IGF1R: variants seen among roughly 807,000 people sequenced by gnomAD.
IGF1R encodes the protein insulin like growth factor 1 receptor, also known as insulin-like growth factor 1 receptor.
In IGF1R, 44 loss-of-function variants were observed where a neutral mutation model predicts 144.6. That is an observed-to-expected ratio of 0.30 (90% CI 0.24 to 0.39). The LOEUF (loss-of-function observed/expected upper bound fraction) is 0.39. Ranked by LOEUF, IGF1R falls within the 10% of genes least tolerant of loss-of-function variation. The probability of loss-of-function intolerance (pLI) is 1.00; values close to 1 mark genes in which losing one functional copy is unlikely to be tolerated. For synonymous variants in IGF1R, 795 were observed against 722.8 expected (o/e 1.10, Z -1.60); for missense variants, 1,355 against 1,833.7 (o/e 0.74, Z 4.77).
intron 2 of IGF1R, among the ~76,000 whole-genome samples, chr15:98,846,534 G>A (rs1398225051): frequency 6.6e-6 from 1 of 152,152 alleles, no homozygotes; most frequent in Non-Finnish European, 1.5e-5. Flanking sequence ...TGACAAGTTG[G>A]GTGACTTCGG....
intron 1 of IGF1R, among the ~76,000 whole-genome samples, chr15:98,663,235 A>C (rs1463221965): frequency 6.6e-6 from 1 of 152,074 alleles, no homozygotes; most frequent in African/African-American, 2.4e-5. Flanking sequence ...TCGAGAGAGC[A>C]GTCCCAGTTG....
intron 5 of IGF1R, among the ~76,000 whole-genome samples, chr15:98,901,690 A>T (rs2014490146): frequency 6.6e-6 from 1 of 152,244 alleles, no homozygotes; most frequent in Admixed American, 6.5e-5. Flanking sequence ...AAGGGAAAGA[A>T]AGAAATGTGC....
At chr15:98,937,939 T>G (rs944729269) in intron 17 of IGF1R, among the ~76,000 whole-genome samples, 3 of 152,264 alleles carry the variant, frequency 2.0e-5, no homozygotes, top group Non-Finnish European at 4.4e-5. Flanking sequence ...TTAATGTTGC[T>G]TCCCCAGATA....
At chr15:98,776,993 G>C (rs11635613) in intron 2 of IGF1R, among the ~76,000 whole-genome samples, 18,025 of 152,182 alleles carry the variant, frequency 0.12, 1,453 homozygotes, top group East Asian at 0.26. Context: ...TTGTGACCTT[G>C]TGTGGTTTCT....
At chr15:98,789,091 T>C (rs2056071695) in intron 2 of IGF1R, among the ~76,000 whole-genome samples, 1 of 152,230 alleles carries the variant, frequency 6.6e-6, no homozygotes, top group Non-Finnish European at 1.5e-5. Flanking sequence ...CCAGCTCACT[T>C]TCCTGTTCAT....
intron 11 of IGF1R, 76 bp downstream of exon 11, chr15:98,922,507 G>A: frequency 6.5e-7 from 1 of 1,536,692 alleles, no homozygotes; most frequent in Non-Finnish European, 8.9e-7. Flanking sequence ...ATGGACACAG[G>A]GTCTGACACC....
chr15:98,716,205 C>T (rs775405818), intron 2 of IGF1R, among the ~76,000 whole-genome samples: 4 of 152,122 alleles, frequency 2.6e-5, no homozygotes, highest in South Asian at 2.1e-4. Context: ...CTACCTGTGC[C>T]GTTTCCTCAA....
chr15:98,692,909 G>A lies in IGF1R; in HGVS notation c.95-14653G>A, dbSNP rs542610864. Among the ~76,000 whole-genome samples, 128 of 152,250 alleles carry A rather than the reference G, an allele frequency of 8.4e-4. 1 individual carries two copies. The highest frequency in any genetic ancestry group is 2.9e-3 in the African/African-American group (121 of 41,552). The stretch of plus-strand genomic sequence containing the variant: ...GCCTCAGGGTGGGGTAAGCCTGGGT[G>A]GGGGAGGTATGAGTGGTGGAACAGT... On this transcript the variant is annotated intron_variant, in intron 1 of 20. Coordinates refer to ENST00000650285, the MANE Select transcript of IGF1R (RefSeq NM_000875.5).
chr15:98,831,700 G>C (rs561558650), intron 2 of IGF1R, among the ~76,000 whole-genome samples: 1 of 152,332 alleles, frequency 6.6e-6, no homozygotes, highest in East Asian at 1.9e-4. Context: ...TTGGTGAGAA[G>C]GTATTGGGGG....
chr15:98,958,529 A>G lies in IGF1R; in HGVS notation c.*1087A>G, dbSNP rs2016873. On this transcript the variant is annotated 3_prime_UTR_variant, in exon 21 of 21. Coordinates refer to ENST00000650285, the MANE Select transcript of IGF1R (RefSeq NM_000875.5). ...CCACAACAGCAGTAAGAAGAAAAGCAGTCAATGGATTCAAGCATTCTAAGC... is the reference window on the plus strand; with the variant it reads ...CCACAACAGCAGTAAGAAGAAAAGCGGTCAATGGATTCAAGCATTCTAAGC... The G allele has an allele frequency of 0.034, 7,973 of 232,596 alleles. 177 individuals carry two copies. The highest frequency in any genetic ancestry group is 0.079 in the East Asian group (1,301 of 16,414). The allele number at this position is 232,596 out of a possible 1,614,324, so 14.4% of individuals were successfully genotyped here.
chr15:98,811,529 CA>C (rs34508591), intron 2 of IGF1R, among the ~76,000 whole-genome samples: 150 of 134,232 alleles, frequency 1.1e-3, no homozygotes, highest in Middle Eastern at 8.4e-3. Flanking sequence ...AACTCCATCT[CA>C]AAAAAAAAAA....
At chr15:98,934,689 A>G (rs980326360) in intron 15 of IGF1R, 135 bp from the exon 16 acceptor site, 18 of 758,870 alleles carry the variant, frequency 2.4e-5, no homozygotes, top group Non-Finnish European at 4.2e-5. Flanking sequence ...ACATCAAGCC[A>G]TGCCATCGCC....
At chr15:98,739,321 C>T (rs921209691) in intron 2 of IGF1R, among the ~76,000 whole-genome samples, 1 of 152,108 alleles carries the variant, frequency 6.6e-6, no homozygotes, top group East Asian at 1.9e-4. Flanking sequence ...GCTGCTGTCC[C>T]GTCTGTCATA....
intron 1 of IGF1R, among the ~76,000 whole-genome samples, chr15:98,677,337 C>T (rs765959773): frequency 6.6e-6 from 1 of 152,120 alleles, no homozygotes; most frequent in Non-Finnish European, 1.5e-5. Context: ...TGCTCTTATT[C>T]GTTATAATAG....
At chr15:98,678,769 C>A (rs912621169) in intron 1 of IGF1R, among the ~76,000 whole-genome samples, 1 of 152,178 alleles carries the variant, frequency 6.6e-6, no homozygotes, top group East Asian at 1.9e-4. Flanking sequence ...AGTGGTCCAC[C>A]TGCCTTCGCC....
At chr15:98,708,539 C>T (rs983124103) in intron 2 of IGF1R, among the ~76,000 whole-genome samples, 3 of 152,142 alleles carry the variant, frequency 2.0e-5, no homozygotes, top group Non-Finnish European at 4.4e-5. Context: ...ATTTTTTGTT[C>T]TGCAGGACTT....
chr15:98,837,793 A>G (rs1313231461), intron 2 of IGF1R, among the ~76,000 whole-genome samples: 2 of 152,178 alleles, frequency 1.3e-5, no homozygotes, highest in Admixed American at 6.5e-5. Flanking sequence ...CTCAAACTCT[A>G]AACAGTTTCA....
chr15:98,855,541 A>G (rs992518486), intron 2 of IGF1R, among the ~76,000 whole-genome samples: 4 of 152,234 alleles, frequency 2.6e-5, no homozygotes, highest in Admixed American at 2.0e-4. Context: ...CTTGATTAAT[A>G]TTTGTTTACC....
intron 17 of IGF1R, 131 bp from the exon 18 acceptor site, chr15:98,939,070 G>GTCCTGT: frequency 1.3e-6 from 1 of 741,990 alleles, no homozygotes; most frequent in Non-Finnish European, 2.3e-6. Context: ...TTCCGAGCAA[G>GTCCTGT]TCCTGGTTTC....
Sources: gnomAD v4.1 joint callset for allele counts (sites outside exome capture counted in the v4.1 genomes callset) on GRCh38, gnomAD v4.1.1 for gene constraint, MANE v1.5 for transcripts, NCBI Gene and HGNC (gene_info 2026-07-23, HGNC 2026-07-21) for gene names.